Variants in RPA3 observed in about 807,000 individuals in gnomAD.
RPA3 encodes the protein replication protein A3.
A neutral mutation model predicts 13.7 loss-of-function variants in RPA3; 24 were observed. That is an observed-to-expected ratio of 1.75 (90% CI 1.27 to 2.46). The LOEUF is 2.46. Ranked by LOEUF, RPA3 falls within the 30% of genes most tolerant of loss-of-function variation. The pLI, the probability that RPA3 is intolerant of heterozygous loss-of-function variation, is 0.00. For synonymous variants in RPA3, 59 were observed against 51.2 expected, an observed-to-expected ratio of 1.15 and a Z score of -0.65; for missense variants, 183 against 151.0, an observed-to-expected ratio of 1.21 and a Z score of -1.11.
At chr7:7,701,161 G>A (rs1016875697) in intron 2 of RPA3, among the ~76,000 whole-genome samples, 3 of 152,168 alleles carry the variant, frequency 2.0e-5, no homozygotes, top group African/African-American at 7.2e-5. Flanking sequence ...CTGTATTCTT[G>A]TAGAGGAAGA....
intron 4 of RPA3, among the ~76,000 whole-genome samples, chr7:7,677,631 C>T (rs1779776300): frequency 6.6e-6 from 1 of 151,048 alleles, no homozygotes; most frequent in Non-Finnish European, 1.5e-5. Context: ...TGTATATGTA[C>T]CACATTTTCT....
At chr7:7,690,019 A>G (rs575052531) in intron 2 of RPA3, among the ~76,000 whole-genome samples, 9 of 152,276 alleles carry the variant, frequency 5.9e-5, no homozygotes, top group Non-Finnish European at 1.2e-4. Flanking sequence ...GATATATTCC[A>G]CATTGTAATT....
At chr7:7,703,965 A>C (rs1780530466) in intron 2 of RPA3, among the ~76,000 whole-genome samples, 1 of 152,030 alleles carries the variant, frequency 6.6e-6, no homozygotes, top group South Asian at 2.1e-4. Context: ...GAAGGAAGGA[A>C]GGGAAGGAGG....
chr7:7,684,067 T>A (rs770543820), intron 4 of RPA3, among the ~76,000 whole-genome samples: 2 of 152,216 alleles, frequency 1.3e-5, no homozygotes, highest in Non-Finnish European at 2.9e-5. Context: ...CCTACATACA[T>A]CCTCCCATAT....
At chr7:7,656,078 G>A (rs6463712) in intron 4 of RPA3, among the ~76,000 whole-genome samples, 3,293 of 152,008 alleles carry the variant, frequency 0.022, 106 homozygotes, top group African/African-American at 0.073. Context: ...CAGGTGATCC[G>A]CCTGCCTCTG....
chr7:7,653,250 C>T (rs1785267979), intron 4 of RPA3, among the ~76,000 whole-genome samples: 1 of 152,140 alleles, frequency 6.6e-6, no homozygotes, highest in African/African-American at 2.4e-5. Flanking sequence ...GGCAGTTATG[C>T]AGTTATATTT....
chr7:7,687,042 A>C (rs1034992835), intron 3 of RPA3, among the ~76,000 whole-genome samples, 186 bp downstream of exon 3: 2 of 152,108 alleles, frequency 1.3e-5, no homozygotes, highest in African/African-American at 2.4e-5. Context: ...AGTCCTTTGA[A>C]CTTTCCTTTG....
rs71011001 is a variant in RPA3, at chr7:7,704,766, C to CAAA, written c.-1028+10406_-1028+10408dup. On this transcript the variant is annotated intron_variant, in intron 2 of 7. Transcript: ENST00000223129. The stretch of plus-strand genomic sequence containing the variant: ...TGGGTGACAGAGCGAGACTCCATCT[C>CAAA]AAAAAAAAAAAAAAAAAAAAAAAAA... 6.7e-4 allele frequency among the ~76,000 whole-genome samples: 12 copies of CAAA among 17,848 alleles called. 1 individual carries two copies. The highest frequency in any genetic ancestry group is 1.2e-3 in the African/African-American group (6 of 4,806). The allele number at this position is 17,848 out of a possible 152,430, so 11.7% of individuals were successfully genotyped here.
intron 4 of RPA3, chr7:7,673,204 CTAAGAG>C: frequency 2.6e-6 from 2 of 774,576 alleles, no homozygotes. Context: ...CATAGAATTC[CTAAGAG>C]TAACTATTGT....
intron 4 of RPA3, among the ~76,000 whole-genome samples, chr7:7,668,250 G>A (rs1237170493): frequency 1.3e-5 from 2 of 152,228 alleles, no homozygotes; most frequent in East Asian, 3.9e-4. Context: ...GTGAATAATT[G>A]TGTATACCTG....
intron 2 of RPA3, among the ~76,000 whole-genome samples, chr7:7,698,604 TGATTCCAC>T (rs1780373885): frequency 1.3e-5 from 2 of 152,178 alleles, no homozygotes; most frequent in Non-Finnish European, 2.9e-5. Flanking sequence ...TTTAGGCAGT[TGATTCCAC>T]AGTTTTGACT....
intron 2 of RPA3, among the ~76,000 whole-genome samples, chr7:7,707,422 G>A (rs1436304555): frequency 6.6e-6 from 1 of 152,162 alleles, no homozygotes; most frequent in Non-Finnish European, 1.5e-5. Flanking sequence ...AGCACCATCA[G>A]CAATGTTACC....
intron 4 of RPA3, among the ~76,000 whole-genome samples, chr7:7,670,489 C>T (rs542333066): frequency 6.6e-6 from 1 of 152,316 alleles, no homozygotes; most frequent in Non-Finnish European, 1.5e-5. Context: ...AGCTGGTAAA[C>T]AGCCCTAACG....
chr7:7,646,480 A>ATT (rs35948027), intron 4 of RPA3, among the ~76,000 whole-genome samples: 1,860 of 111,248 alleles, frequency 0.017, 41 homozygotes, highest in African/African-American at 0.046. Context: ...CTTTCGCTGG[A>ATT]TTTTTTTTTT....
intron 1 of RPA3, among the ~76,000 whole-genome samples, chr7:7,716,589 A>C (rs1181110693): frequency 6.6e-6 from 1 of 152,198 alleles, no homozygotes; most frequent in African/African-American, 2.4e-5. Context: ...CGTGCACAGT[A>C]AAGAGGCAGG....
chr7:7,686,506 G>GA (rs1468571244), intron 3 of RPA3, among the ~76,000 whole-genome samples: 4 of 152,096 alleles, frequency 2.6e-5, no homozygotes, highest in African/African-American at 9.7e-5. Flanking sequence ...ATCTTTTAAT[G>GA]AAAAAACTAA....
intron 2 of RPA3, among the ~76,000 whole-genome samples, chr7:7,704,299 GTTAAC>G (rs912611652): frequency 3.9e-5 from 6 of 152,084 alleles, no homozygotes; most frequent in South Asian, 2.1e-4. Context: ...ATGTAAAACA[GTTAAC>G]TTAATAAATA....
chr7:7,640,810 G>A lies in RPA3; in HGVS notation c.-392C>T, dbSNP rs540630676. 4.1e-4 allele frequency: 84 copies of A among 204,924 alleles called. No homozygotes were observed. In the South Asian group the frequency reaches 5.2e-3, roughly 13 times the overall value. 12.7% of individuals were successfully genotyped at this position (204,924 alleles called of 1,614,324 possible). A position where few individuals can be genotyped will look rare whatever the true frequency, so the allele number is the denominator to read the frequency against. On this transcript the variant is annotated 5_prime_UTR_variant, in exon 5 of 8. Transcript: ENST00000223129. ...GTGCTGGTGCGGCGGGGGACTGCGG[G>A]GCCAGCCTCAGGTACCTCGTCTCGC...
chr7:7,665,750 T>G (rs1779433684), intron 4 of RPA3, among the ~76,000 whole-genome samples: 1 of 152,162 alleles, frequency 6.6e-6, no homozygotes, highest in South Asian at 2.1e-4. Flanking sequence ...TACACTAGTT[T>G]GTATTTTTGA....
Sources: gnomAD v4.1 joint callset for allele counts (sites outside exome capture counted in the v4.1 genomes callset) on GRCh38, gnomAD v4.1.1 for gene constraint, MANE v1.5 for transcripts, NCBI Gene and HGNC (gene_info 2026-07-23, HGNC 2026-07-21) for gene names.